The following RHBG variants were observed in gnomAD, a reference collection of about 807,000 sequenced individuals.
RHBG encodes ammonium transporter Rh type B.
A neutral mutation model predicts 40.1 loss-of-function variants in RHBG; 39 were observed. The ratio of observed to expected loss-of-function variants is 0.97; its 90% confidence interval spans 0.75 to 1.27. The LOEUF (loss-of-function observed/expected upper bound fraction) is 1.27. RHBG is among the 50% of genes most tolerant of loss of function. The pLI is 0.00. For missense variants in RHBG, 549 were observed against 588.1 expected (o/e 0.93, Z 0.69); for synonymous variants, 237 against 252.5 (o/e 0.94, Z 0.58).
intron 1 of RHBG, among the ~76,000 whole-genome samples, chr1:156,374,113 C>G (rs997608518): frequency 2.6e-5 from 4 of 152,162 alleles, no homozygotes; most frequent in African/African-American, 9.7e-5. Flanking sequence ...AGCTCCACCT[C>G]CTGTTAGATT....
intron 1 of RHBG, among the ~76,000 whole-genome samples, chr1:156,376,148 CT>C (rs1429594430): frequency 2.6e-5 from 4 of 152,098 alleles, no homozygotes; most frequent in Admixed American, 1.3e-4. Context: ...CTCACTGACT[CT>C]TTAAAAATTT....
rs543941679 is a variant in RHBG, at chr1:156,381,514, G to T, written c.840+1G>T. On this transcript the variant is annotated splice_donor_variant, in intron 5 of 9. Transcript: ENST00000537040. LOFTEE classifies it high-confidence loss of function. ...AGGGGAAGATGGGAGGCTTGACATG[G>T]TATGGGGAAGAGGACTTCAGAGAGG... The T allele has an allele frequency of 5.6e-6, 9 of 1,605,094 alleles. No homozygotes were observed. In the Admixed American group the frequency reaches 8.4e-5, roughly 15 times the overall value.
intron 8 of RHBG, among the ~76,000 whole-genome samples, chr1:156,383,173 T>C (rs1045724586): frequency 1.3e-5 from 2 of 152,118 alleles, no homozygotes; most frequent in Non-Finnish European, 2.9e-5. Context: ...GGCTGAGGCC[T>C]AGAAGGGGAT....
In RHBG at chr1:156,382,772, A is replaced by G; in HGVS notation, c.1137A>G (p.Ile379Met). 1 of 1,614,134 alleles carries G rather than the reference A, an allele frequency of 6.2e-7. No homozygotes were observed. Among genetic ancestry groups the G allele is most frequent in the Non-Finnish European group, 8.5e-7 (1 of 1,180,032 alleles). ...GCCTGGAGAGTGTGTTTCCACTCAT[A>G]GCCGAGGGCCAGCGCAGTGCCACGT... is the stretch of plus-strand genomic sequence containing the variant. ...GDGLESVFPL[I>M]AEGQRSATSQ... The change falls in exon 8 of 10, where the codon ATA becomes ATG. Residue 379 changes from isoleucine (I) to methionine (M), a missense_variant. This residue lies in a region of RHBG where 399 missense variants were observed against 417.0 expected (regional missense o/e 0.96). Transcript: ENST00000537040.
Position 156,370,430 on chromosome 1 carries a change from CAG to C in RHBG, c.187+997_187+998del, listed in dbSNP as rs1666757983. On this transcript the variant is annotated intron_variant, in intron 1 of 9. Transcript: ENST00000537040. ...CGCCACTGCACTTCAGCATGGGTGACAGAGCGAGACTCCATCTCGAGAAAAAA... is the reference window on the plus strand; with the variant it reads ...CGCCACTGCACTTCAGCATGGGTGACAGCGAGACTCCATCTCGAGAAAAAA... Among the ~76,000 whole-genome samples the C allele has an allele frequency of 2.9e-5, 4 of 139,082 alleles. No individual in the cohort carries two copies. The Admixed American group carries it at 3.0e-4, about 10-fold the overall frequency. The allele number at this position is 139,082 out of a possible 152,430, so 91.2% of individuals were successfully genotyped here.
chr1:156,382,315 T>G, intron 7 of RHBG, 114 bp downstream of exon 7: 1 of 1,533,786 alleles, frequency 6.5e-7, no homozygotes, highest in Non-Finnish European at 9.0e-7. Flanking sequence ...TTCATCCATA[T>G]TCTGGGAGCA....
intron 8 of RHBG, among the ~76,000 whole-genome samples, chr1:156,383,609 G>A (rs1212337356): frequency 6.6e-6 from 1 of 151,362 alleles, no homozygotes; most frequent in African/African-American, 2.4e-5. Context: ...GAGATTCCCA[G>A]GTGATTTGAT....
At chr1:156,382,570 G>C in intron 7 of RHBG, 178 bp from the exon 8 acceptor site, 3 of 774,244 alleles carry the variant, frequency 3.9e-6, no homozygotes, top group Non-Finnish European at 2.1e-6. Context: ...GTTCCAGGCT[G>C]TGGGCCTGGC....
chr1:156,383,091 C>T (rs1387901428), intron 8 of RHBG, among the ~76,000 whole-genome samples: 1 of 152,156 alleles, frequency 6.6e-6, no homozygotes, highest in Non-Finnish European at 1.5e-5. Flanking sequence ...GAGGGGTGAG[C>T]GAGGCCCTCT....
In RHBG at chr1:156,381,349, A is replaced by T. The variant is rs1263479090; in HGVS notation, c.676A>T (p.Thr226Ser). 9.9e-6 allele frequency: 16 copies of T among 1,613,930 alleles called. 1 individual carries two copies. The highest frequency in any genetic ancestry group is 1.3e-5 in the Non-Finnish European group (15 of 1,180,030). Reference sequence around the variant, plus strand: ...CTGCCTGTCTGTCCACCATCTAGGGACCATCTTCCTGTGGATCTTCTGGCC... The same window carrying T: ...CTGCCTGTCTGTCCACCATCTAGGGTCCATCTTCCTGTGGATCTTCTGGCC... ...YHSDLFAMIGTIFLWIFWPSF... is the reference protein window; with the variant it reads ...YHSDLFAMIGSIFLWIFWPSF... The change falls in exon 5 of 10, where the codon ACC (threonine) becomes TCC (serine). Residue 226 changes from threonine to serine, a missense_variant and splice_region_variant. Coordinates refer to ENST00000537040, the MANE Select transcript of RHBG (RefSeq NM_020407.5).
In RHBG at chr1:156,378,271, C is replaced by T. The variant is rs1223614476; in HGVS notation, c.545C>T (p.Ser182Phe). Reference sequence around the variant, plus strand: ...CCCCAGGTGAGAGATGCCGGAGGCTCCATGACTATCCACACCTTTGGTGCC... The same window carrying T: ...CCCCAGGTGAGAGATGCCGGAGGCTTCATGACTATCCACACCTTTGGTGCC... ...HLLGVRDAGGSMTIHTFGAYF... is the reference protein window; with the variant it reads ...HLLGVRDAGGFMTIHTFGAYF... Residue 182 changes from serine to phenylalanine, a missense_variant, in exon 4 of 10, where the codon TCC becomes TTC. Coordinates refer to ENST00000537040, the MANE Select transcript of RHBG (RefSeq NM_020407.5). 6.2e-7 allele frequency: 1 copy of T among 1,613,942 alleles called. No individual in the cohort carries two copies. The highest frequency in any genetic ancestry group is 8.5e-7 in the Non-Finnish European group (1 of 1,180,000).
chr1:156,369,727 GAGTTGGGATTGGAAGCC>G (rs540103709), intron 1 of RHBG, among the ~76,000 whole-genome samples: 115 of 152,308 alleles, frequency 7.6e-4, no homozygotes, highest in African/African-American at 2.6e-3. Context: ...ACAAGTCAGG[GAGTTGGGATTGGAAGCC>G]AGATCTAGAG....
At chr1:156,384,311 G>T (rs970460522) in intron 8 of RHBG, 3 of 635,874 alleles carry the variant, frequency 4.7e-6, no homozygotes, top group Non-Finnish European at 8.6e-6. Context: ...GGCCTTGCAG[G>T]GTTGTTGTGA....
Position 156,384,562 on chromosome 1 carries a change from C to CT in RHBG, c.1270_1271insT (p.Pro424LeufsTer19), listed in dbSNP as rs1246244981. ...GAAGCTACCCTTTCTGGACTCCCCC[C>CT]CAGACTCCCAGCACTACGAGGACCA... On this transcript the variant is annotated frameshift_variant, in exon 9 of 10. Transcript: ENST00000537040. LOFTEE classifies it high-confidence loss of function. 3 of 1,600,370 alleles carry CT rather than the reference C, an allele frequency of 1.9e-6. No individual in the cohort carries two copies. The highest frequency in any genetic ancestry group is 2.6e-6 in the Non-Finnish European group (3 of 1,172,266).
chr1:156,369,347 T>C lies in RHBG; in HGVS notation c.98T>C (p.Phe33Ser). 6.2e-7 allele frequency: 1 copy of C among 1,614,204 alleles called. No individual in the cohort carries two copies. Among genetic ancestry groups the C allele is most frequent in the South Asian group, 1.1e-5 (1 of 91,086 alleles). Residue 33 changes from phenylalanine to serine, a missense_variant, in exon 1 of 10, where the codon TTT (phenylalanine) becomes TCT (serine). Physicochemically the swap from Phe to Ser is radical, Grantham distance 155. Transcript: ENST00000537040. ...QGATAVLFAV[F>S]VRYNHKTDAA... ...GCCACTGCCGTCCTCTTTGCTGTCT[T>C]TGTCCGCTACAACCACAAAACCGAC...
In RHBG at chr1:156,382,795, C is replaced by T. The variant is rs764166045; in HGVS notation, c.1160C>T (p.Thr387Met). ...ATAGCCGAGGGCCAGCGCAGTGCCA[C>T]GTCACAGGCCATGCACCAGCTCTTC... ...PLIAEGQRSA[T>M]SQAMHQLFGL... Residue 387 changes from threonine to methionine, a missense_variant, in exon 8 of 10, where the codon ACG (threonine) becomes ATG (methionine). Thr to Met is a moderately conservative substitution (Grantham distance 81, BLOSUM62 -1). Around this residue, in one of 3 missense-constraint regions of RHBG, gnomAD observed 399 missense variants for 417.0 expected, o/e 0.96. Transcript: ENST00000537040. The T allele has an allele frequency of 2.3e-5, 37 of 1,614,096 alleles. No individual in the cohort carries two copies. The highest frequency in any genetic ancestry group is 5.5e-5 in the South Asian group (5 of 91,084).
At chr1:156,374,877 C>A (rs1667085055) in intron 1 of RHBG, 1 of 239,024 alleles carries the variant, frequency 4.2e-6, no homozygotes. Context: ...TGAGCCACTT[C>A]ACCTGGCCAG....
chr1:156,369,271 G>A lies in RHBG; in HGVS notation c.22G>A (p.Ala8Thr), dbSNP rs763772705. ...ACCCATGGCCGGGTCTCCTAGCCGC[G>A]CCGCGGGCCGGCGACTGCAGCTTCC... The part of the protein sequence containing the change: MAGSPSR[A>T]AGRRLQLPLL... Residue 8 changes from alanine to threonine, a missense_variant, in exon 1 of 10, where the codon GCC (alanine) becomes ACC (threonine). Coordinates refer to ENST00000537040, the MANE Select transcript of RHBG (RefSeq NM_020407.5). The A allele has an allele frequency of 6.2e-7, 1 of 1,613,460 alleles. No homozygotes were observed. The highest frequency in any genetic ancestry group is 1.3e-5 in the African/African-American group (1 of 75,032).
At chr1:156,378,936 C>CT (rs1667422724) in intron 4 of RHBG, among the ~76,000 whole-genome samples, 2 of 152,108 alleles carry the variant, frequency 1.3e-5, no homozygotes, top group Non-Finnish European at 2.9e-5. Flanking sequence ...TGGGTCACCC[C>CT]AGGGACCCAT....
Sources: allele counts gnomAD v4.1 joint callset (sites outside exome capture counted in the v4.1 genomes callset), GRCh38; gene constraint gnomAD v4.1.1; regional missense constraint gnomAD v4.1.1; transcripts MANE v1.5; gene names NCBI Gene and HGNC (gene_info 2026-07-23, HGNC 2026-07-21).